Variants in MIDEAS observed in about 807,000 individuals in gnomAD.
MIDEAS encodes mitotic deacetylase-associated SANT domain protein.
Under a neutral mutation model 102.7 loss-of-function variants are expected in MIDEAS, and 26 were observed. The observed-to-expected ratio is 0.25, with a 90% CI of 0.19 to 0.35. The LOEUF is 0.35. Among genes scored for constraint, MIDEAS ranks in the 10% least tolerant of loss-of-function variants. MIDEAS has a pLI of 1.00. For synonymous variants in MIDEAS, 585 were observed against 591.0 expected (o/e 0.99, Z 0.15); for missense variants, 1,231 against 1,435.6 (o/e 0.86, Z 2.30).
At chr14:73,741,317 T>G (rs1343111004) in intron 1 of MIDEAS, among the ~76,000 whole-genome samples, 1 of 152,184 alleles carries the variant, frequency 6.6e-6, no homozygotes, top group Non-Finnish European at 1.5e-5. Flanking sequence ...GCTGCTTGCA[T>G]GTATTTTTCA....
intron 1 of MIDEAS, among the ~76,000 whole-genome samples, chr14:73,775,406 G>C (rs2053680847): frequency 6.6e-6 from 1 of 152,058 alleles, no homozygotes; most frequent in Admixed American, 6.6e-5. Flanking sequence ...GCTGCTTTTA[G>C]CACAATTTCA....
At chr14:73,764,185 CAA>C (rs1466994700), upstream of MIDEAS, among the ~76,000 whole-genome samples, 2 of 151,734 alleles carry the variant, frequency 1.3e-5, no homozygotes, top group African/African-American at 4.8e-5. Flanking sequence ...ACCAAAAATA[CAA>C]AAGTTAGCCA....
chr14:73,741,406 C>T (rs1268845416), intron 1 of MIDEAS, among the ~76,000 whole-genome samples: 1 of 152,048 alleles, frequency 6.6e-6, no homozygotes, highest in African/African-American at 2.4e-5. Context: ...GCTACATAGC[C>T]CACCTCTTTC....
At position 73,739,258 on chromosome 14, in the gene MIDEAS, G is replaced by A. The variant is rs746831299; in HGVS notation, c.751C>T (p.Gln251Ter). The A allele has an allele frequency of 6.2e-7, 1 of 1,612,226 alleles. No homozygotes were observed. Among genetic ancestry groups the A allele is most frequent in the Non-Finnish European group, 8.5e-7 (1 of 1,179,864 alleles). ...TGCTGCTGCTGCTGTGGTTGCTGCT[G>A]CTGCTGCTGCTTCTGTGGAGGGAAG... ...AAFPPQKQQQ[Q>*]QQPQQQQQQQ... is the part of the protein sequence containing the mutation. The change falls in exon 2 of 13, where the codon CAG becomes TAG. Residue 251 changes from glutamine to a stop codon, truncating the protein, a stop_gained. Transcript: ENST00000423556. LOFTEE classifies it high-confidence loss of function.
intron 4 of MIDEAS, 49 bp downstream of exon 4, chr14:73,729,591 C>G: frequency 6.7e-7 from 1 of 1,482,320 alleles, no homozygotes; most frequent in Non-Finnish European, 9.2e-7. Flanking sequence ...CCTCCCTGCC[C>G]AGTGCCCCAG....
rs141747997 is a variant in MIDEAS, at chr14:73,785,146, G to A, written c.-248+1956C>T. On this transcript the variant is annotated intron_variant, in intron 1 of 11. Transcript: ENST00000394071. Reference sequence around the variant, plus strand: ...GCTGGGCTGAGTGCTCCCCATGAGCGTCTTCTGCCTAGGACAGGGAGTTAT... The same window carrying A: ...GCTGGGCTGAGTGCTCCCCATGAGCATCTTCTGCCTAGGACAGGGAGTTAT... Among the ~76,000 whole-genome samples the A allele has an allele frequency of 3.6e-3, 551 of 152,350 alleles. 6 individuals are homozygous for A. The highest frequency in any genetic ancestry group is 0.024 in the South Asian group (117 of 4,826).
At chr14:73,786,522 G>T (rs557336570) in intron 1 of MIDEAS, among the ~76,000 whole-genome samples, 1 of 152,346 alleles carries the variant, frequency 6.6e-6, no homozygotes, top group South Asian at 2.1e-4. Context: ...GGTAAAGGGG[G>T]AGTCAGGAGC....
intron 1 of MIDEAS, among the ~76,000 whole-genome samples, chr14:73,771,751 A>G (rs1025078211): frequency 1.3e-5 from 2 of 152,224 alleles, no homozygotes; most frequent in African/African-American, 4.8e-5. Context: ...AACTGGATGG[A>G]TGTGGCTAGC....
Position 73,742,388 on chromosome 14 carries a change from G to GTGCGCCCCCTCCATGGGGATGGC in MIDEAS, c.-247-2156_-247-2134dup, listed in dbSNP as rs59120472. Among the ~76,000 whole-genome samples the GTGCGCCCCCTCCATGGGGATGGC allele has an allele frequency of 0.033, 5,048 of 152,246 alleles. 251 individuals are homozygous for GTGCGCCCCCTCCATGGGGATGGC. Among genetic ancestry groups the GTGCGCCCCCTCCATGGGGATGGC allele is most frequent in the African/African-American group, 0.11 (4,665 of 41,478 alleles). Reference sequence around the variant, plus strand: ...GTGCCAGTGTGAACCTGATGGAGGGGTGCGCCCCCTCCATGGGGATGGCTG... The same window carrying GTGCGCCCCCTCCATGGGGATGGC: ...GTGCCAGTGTGAACCTGATGGAGGGGTGCGCCCCCTCCATGGGGATGGCTGCGCCCCCTCCATGGGGATGGCTG... On this transcript the variant is annotated intron_variant, in intron 1 of 12. Transcript: ENST00000423556. This position sits in a 1 kb window ranked among gnomAD's most constrained non-coding sequence, Gnocchi z 4.4.
chr14:73,722,251 A>T (rs1354181969), intron 10 of MIDEAS: 2 of 156,068 alleles, frequency 1.3e-5, no homozygotes, highest in Non-Finnish European at 2.8e-5. Context: ...TATCACTGTG[A>T]TATAAAACTT....
intron 1 of MIDEAS, among the ~76,000 whole-genome samples, chr14:73,740,891 G>A (rs1435260902): frequency 6.6e-6 from 1 of 152,248 alleles, no homozygotes; most frequent in Non-Finnish European, 1.5e-5. Context: ...GTAGAGTCAG[G>A]GGCCCAGGGT....
At chr14:73,786,763 C>A (rs1566614729) in intron 1 of MIDEAS, among the ~76,000 whole-genome samples, 2 of 152,244 alleles carry the variant, frequency 1.3e-5, no homozygotes, top group African/African-American at 4.8e-5. Flanking sequence ...CTGCGCCCAG[C>A]CTGCAGGGAT....
intron 1 of MIDEAS, among the ~76,000 whole-genome samples, chr14:73,743,920 G>A (rs1037766926): frequency 2.0e-5 from 3 of 151,916 alleles, no homozygotes; most frequent in Non-Finnish European, 4.4e-5. Context: ...ACCAATCCTT[G>A]ACCAGACCCA....
chr14:73,754,623 C>T (rs868757146), intron 1 of MIDEAS, among the ~76,000 whole-genome samples: 5 of 152,290 alleles, frequency 3.3e-5, no homozygotes, highest in Middle Eastern at 3.4e-3. Context: ...ATGAAGGATT[C>T]GGACTAGATG....
intron 10 of MIDEAS, 61 bp downstream of exon 10, chr14:73,722,637 C>T (rs2053010714): frequency 2.5e-6 from 4 of 1,588,168 alleles, no homozygotes; most frequent in Non-Finnish European, 3.4e-6. Flanking sequence ...GGGCTCCCAG[C>T]TCAGGCCTGG....
chr14:73,729,662 G>A lies in MIDEAS; in HGVS notation c.2073C>T (p.Ala691=). 6.2e-7 allele frequency: 1 copy of A among 1,611,920 alleles called. No individual in the cohort carries two copies. Reference sequence around the variant, plus strand: ...CACTAGTCCGGAGCAGCGTGCGATGGGCACTCTTAGGCGTGATGGGAGGAG... The same window carrying A: ...CACTAGTCCGGAGCAGCGTGCGATGAGCACTCTTAGGCGTGATGGGAGGAG... The part of the protein sequence containing the change: ...PAPPPITPKS[A]HRTLLRTNSA... The change falls in exon 4 of 13, where the codon GCC becomes GCT. Residue 691 remains alanine (A), a synonymous_variant. Coordinates refer to ENST00000423556, the MANE Select transcript of MIDEAS (RefSeq NM_001367710.1).
chr14:73,779,184 C>T (rs1331024349), intron 1 of MIDEAS, among the ~76,000 whole-genome samples: 1 of 151,668 alleles, frequency 6.6e-6, no homozygotes, highest in Non-Finnish European at 1.5e-5. Flanking sequence ...GTTAGGAGTT[C>T]GAGACCAGCC....
chr14:73,762,662 G>A (rs146974222), upstream of MIDEAS, among the ~76,000 whole-genome samples: 220 of 152,258 alleles, frequency 1.4e-3, 1 homozygote, highest in African/African-American at 4.6e-3. Flanking sequence ...AATCACTGAC[G>A]TGTGAAGTGA....
intron 1 of MIDEAS, among the ~76,000 whole-genome samples, chr14:73,770,335 C>T (rs2053630891): frequency 6.6e-6 from 1 of 150,924 alleles, no homozygotes; most frequent in Non-Finnish European, 1.5e-5. Context: ...ATTTATATAA[C>T]AGTAACGACG....
Sources: allele counts gnomAD v4.1 joint callset (sites outside exome capture counted in the v4.1 genomes callset), GRCh38; gene constraint gnomAD v4.1.1; non-coding constraint Gnocchi (gnomAD v3.1); transcripts MANE v1.5; gene names NCBI Gene and HGNC (gene_info 2026-07-23, HGNC 2026-07-21).